Variants in PRKN observed in about 807,000 individuals in gnomAD.
PRKN encodes parkin RBR E3 ubiquitin protein ligase.
In PRKN, 56 loss-of-function variants were observed where a neutral mutation model predicts 59.5. The observed-to-expected ratio is 0.94, with a 90% CI of 0.76 to 1.18. PRKN has a LOEUF of 1.18. Among genes scored for constraint, PRKN ranks in the 50% most tolerant of loss-of-function variants. The pLI, the probability that PRKN is intolerant of heterozygous loss-of-function variation, is 0.00. For missense variants in PRKN, 657 were observed against 596.4 expected (o/e 1.10, Z -1.06); for synonymous variants, 250 against 222.1 (o/e 1.13, Z -1.12).
rs182572149 is a variant in PRKN, at chr6:161,554,357, C to G, written c.934-5354G>C. 6.6e-6 allele frequency among the ~76,000 whole-genome samples: 1 copy of G among 151,420 alleles called. No individual in the cohort carries two copies. Among genetic ancestry groups the G allele is most frequent in the Non-Finnish European group, 1.5e-5 (1 of 67,906 alleles). On this transcript the variant is annotated intron_variant, in intron 8 of 11. Transcript: ENST00000366898. The surrounding 1 kb of genome is among the most constrained non-coding windows in gnomAD (Gnocchi z 4.5). ...ACACTGTTAACACATGCGGCCATTT[C>G]GAACTATGCTGTCTTTCTCTTAACC...
chr6:161,990,448 A>G (rs1781602316), intron 5 of PRKN, among the ~76,000 whole-genome samples: 1 of 152,264 alleles, frequency 6.6e-6, no homozygotes, highest in Non-Finnish European at 1.5e-5. Context: ...GCTACATCAG[A>G]GGCACTGTAA....
intron 1 of PRKN, among the ~76,000 whole-genome samples, chr6:162,650,897 C>G (rs1214758953): frequency 3.3e-5 from 5 of 152,124 alleles, no homozygotes; most frequent in African/African-American, 1.2e-4. Flanking sequence ...GGTGTGACAA[C>G]TGTTTCAGAA....
At chr6:162,660,508 TAG>T (rs1778837004) in intron 1 of PRKN, among the ~76,000 whole-genome samples, 6 of 152,350 alleles carry the variant, frequency 3.9e-5, no homozygotes, top group Admixed American at 3.3e-4. Context: ...TATTTTCTCG[TAG>T]AGTCTTCTAT....
chr6:161,788,044 C>A (rs1393320456), intron 6 of PRKN, among the ~76,000 whole-genome samples: 1 of 152,212 alleles, frequency 6.6e-6, no homozygotes, highest in African/African-American at 2.4e-5. Flanking sequence ...CACAGTGGCC[C>A]AGAAAGCCAT....
At chr6:162,585,382 G>A (rs775574969) in intron 1 of PRKN, among the ~76,000 whole-genome samples, 111 of 152,150 alleles carry the variant, frequency 7.3e-4, no homozygotes, top group Non-Finnish European at 7.5e-4. Context: ...CATTTGTCCC[G>A]TTACCCATTG....
At chr6:161,863,140 G>A (rs1039158719) in intron 6 of PRKN, among the ~76,000 whole-genome samples, 19 of 152,116 alleles carry the variant, frequency 1.2e-4, no homozygotes, top group African/African-American at 4.3e-4. Flanking sequence ...CCATTATTCT[G>A]TTTTGGGATA....
chr6:162,531,108 T>C (rs1394368285), intron 1 of PRKN, among the ~76,000 whole-genome samples: 1 of 146,924 alleles, frequency 6.8e-6, no homozygotes. Flanking sequence ...GGTTCACGCC[T>C]GTAATCCCAG....
chr6:162,100,857 C>A (rs1168264698), intron 4 of PRKN, among the ~76,000 whole-genome samples: 1 of 151,986 alleles, frequency 6.6e-6, no homozygotes, highest in Non-Finnish European at 1.5e-5. Context: ...TTTCATATAC[C>A]TGTTGGCCAT....
intron 4 of PRKN, among the ~76,000 whole-genome samples, chr6:162,093,375 G>A (rs7759298): frequency 0.094 from 14,285 of 152,076 alleles, 825 homozygotes; most frequent in African/African-American, 0.16. Context: ...ACCCAGAGGC[G>A]GCAGTTCCTG....
At chr6:161,368,795 A>G (rs549465418) in intron 10 of PRKN, among the ~76,000 whole-genome samples, 101 of 152,022 alleles carry the variant, frequency 6.6e-4, no homozygotes, top group Non-Finnish European at 1.2e-3. Context: ...AAGTGCTTTC[A>G]AGAAGGACAC....
chr6:161,858,805 TTAATGC>T (rs1329832844), intron 6 of PRKN, among the ~76,000 whole-genome samples: 1 of 151,482 alleles, frequency 6.6e-6, no homozygotes, highest in African/African-American at 2.4e-5. Flanking sequence ...GCATGGCCTT[TTAATGC>T]TTAGTATGCT....
chr6:162,038,472 T>G (rs1455755309), intron 5 of PRKN, among the ~76,000 whole-genome samples: 1 of 152,222 alleles, frequency 6.6e-6, no homozygotes, highest in Non-Finnish European at 1.5e-5. Flanking sequence ...TTAAAACAGC[T>G]GTGTATAATA....
chr6:162,674,166 C>A (rs1779448010), intron 1 of PRKN, among the ~76,000 whole-genome samples: 1 of 152,170 alleles, frequency 6.6e-6, no homozygotes, highest in Admixed American at 6.5e-5. Context: ...TTCTTCCAAG[C>A]TGCATTTATT....
At chr6:162,719,275 T>C (rs1437857479) in intron 1 of PRKN, among the ~76,000 whole-genome samples, 2 of 152,174 alleles carry the variant, frequency 1.3e-5, no homozygotes, top group Non-Finnish European at 2.9e-5. Context: ...CAGTCTACAT[T>C]TGTCTGTGGT....
intron 9 of PRKN, among the ~76,000 whole-genome samples, chr6:161,436,785 A>G (rs966420777): frequency 6.6e-6 from 1 of 152,028 alleles, no homozygotes; most frequent in Non-Finnish European, 1.5e-5. Context: ...GGCTATTGAA[A>G]TGTCTGTATC....
intron 2 of PRKN, among the ~76,000 whole-genome samples, chr6:162,386,620 C>T (rs1013989507): frequency 2.6e-5 from 4 of 152,344 alleles, no homozygotes; most frequent in Admixed American, 2.0e-4. Context: ...GGCTGCCCTG[C>T]ACATCCCCGT....
At chr6:162,272,302 T>C (rs1780430625) in intron 2 of PRKN, among the ~76,000 whole-genome samples, 1 of 152,184 alleles carries the variant, frequency 6.6e-6, no homozygotes, top group South Asian at 2.1e-4. Context: ...TTAAACCCAC[T>C]TTAAAATTGT....
intron 4 of PRKN, among the ~76,000 whole-genome samples, chr6:162,109,879 A>G (rs1019189390): frequency 6.6e-6 from 1 of 152,210 alleles, no homozygotes; most frequent in Non-Finnish European, 1.5e-5. Flanking sequence ...GATCTGAAGC[A>G]TATACAATAT....
At chr6:161,944,006 GCAGCCTGAGGGATCAGCCTGAGGAAT>G (rs1779678194) in intron 6 of PRKN, among the ~76,000 whole-genome samples, 1 of 137,834 alleles carries the variant, frequency 7.3e-6, no homozygotes, top group Admixed American at 7.4e-5. Flanking sequence ...GCCTGAGGAA[GCAGCCTGAGGGATCAGCCTGAGGAAT>G]CAGCCTGAGG....
Sources: allele counts gnomAD v4.1 joint callset (sites outside exome capture counted in the v4.1 genomes callset), GRCh38; gene constraint gnomAD v4.1.1; non-coding constraint Gnocchi (gnomAD v3.1); transcripts MANE v1.5; gene names NCBI Gene and HGNC (gene_info 2026-07-23, HGNC 2026-07-21).